The following PIGN variants were observed in gnomAD, a reference collection of about 807,000 sequenced individuals.
PIGN encodes phosphatidylinositol glycan anchor biosynthesis class N, also known as GPI ethanolamine phosphate transferase 1.
In PIGN, 117 loss-of-function variants were observed where a neutral mutation model predicts 125.4. That is an observed-to-expected ratio of 0.93 (90% CI 0.80 to 1.09). The LOEUF is 1.09. Ranked by LOEUF, PIGN falls within the 50% of genes least tolerant of loss-of-function variation. The pLI is 0.00. For missense variants in PIGN, 1,075 were observed against 1,094.9 expected (o/e 0.98, Z 0.26); for synonymous variants, 392 against 377.8 (o/e 1.04, Z -0.44).
intron 11 of PIGN, 39 bp downstream of exon 11, chr18:62,143,267 T>C (rs1388707954): frequency 8.3e-6 from 9 of 1,088,590 alleles, no homozygotes; most frequent in East Asian, 7.7e-5. Context: ...TTATAGAAGA[T>C]AAAATTAAAT....
intron 30 of PIGN, chr18:62,059,302 A>G (rs540501270): frequency 6.6e-6 from 1 of 152,230 alleles, no homozygotes; most frequent in Non-Finnish European, 1.5e-5. Context: ...TGGAGGTCAA[A>G]TCCAGAAAAG....
intron 25 of PIGN, among the ~76,000 whole-genome samples, chr18:62,087,114 C>T (rs2033744698): frequency 6.6e-6 from 1 of 151,822 alleles, no homozygotes; most frequent in Non-Finnish European, 1.5e-5. Flanking sequence ...GAAGTGTCTA[C>T]CAAAGTTACA....
chr18:62,063,759 T>G (rs1237587776), intron 30 of PIGN, among the ~76,000 whole-genome samples: 1 of 150,716 alleles, frequency 6.6e-6, no homozygotes, highest in Non-Finnish European at 1.5e-5. Context: ...TACAAAAGGA[T>G]GAGTTCGTGT....
chr18:62,161,881 T>C (rs925583122), intron 3 of PIGN, among the ~76,000 whole-genome samples: 1 of 109,152 alleles, frequency 9.2e-6, no homozygotes, highest in Non-Finnish European at 2.1e-5. Context: ...ATTATTCAAA[T>C]ATTTGTGATT....
intron 22 of PIGN, among the ~76,000 whole-genome samples, chr18:62,100,359 T>C (rs1315305544): frequency 6.6e-6 from 1 of 152,162 alleles, no homozygotes; most frequent in East Asian, 1.9e-4. Flanking sequence ...CCTTTGTACA[T>C]TGTTGGTGGG....
intron 28 of PIGN, 144 bp from the exon 29 acceptor site, chr18:62,074,965 A>G: frequency 1.7e-6 from 1 of 584,318 alleles, no homozygotes; most frequent in East Asian, 3.0e-5. Flanking sequence ...GGTTCTTTTC[A>G]TATTATCATG....
chr18:62,114,760 T>C (rs768724078), intron 14 of PIGN, 121 bp from the exon 15 acceptor site: 16 of 496,626 alleles, frequency 3.2e-5, no homozygotes, highest in Non-Finnish European at 4.8e-5. Context: ...AAAACAAAAA[T>C]CAAAGAAAAA....
chr18:62,095,219 A>G (rs1215825607), intron 23 of PIGN, among the ~76,000 whole-genome samples: 1 of 152,222 alleles, frequency 6.6e-6, no homozygotes, highest in African/African-American at 2.4e-5. Flanking sequence ...TAAAGATTTA[A>G]GTAAGGACAA....
intron 23 of PIGN, among the ~76,000 whole-genome samples, chr18:62,020,607 A>C (rs1273014980): frequency 5.3e-5 from 8 of 152,050 alleles, no homozygotes; most frequent in Admixed American, 5.2e-4. Context: ...GAAAATACAA[A>C]TTAAAACTAC....
chr18:62,063,219 T>C lies in PIGN; in HGVS notation c.2672+9454A>G, dbSNP rs192354828. ...TAGAAATTTCTTTATCCAAAATCTATGGTTTTATAGATTTTATCCAAAATC... is the reference window on the plus strand; with the variant it reads ...TAGAAATTTCTTTATCCAAAATCTACGGTTTTATAGATTTTATCCAAAATC... On this transcript the variant is annotated intron_variant, in intron 30 of 30. Coordinates refer to ENST00000640252, the MANE Select transcript of PIGN (RefSeq NM_176787.5). Among the ~76,000 whole-genome samples, 81 of 147,860 alleles carry C rather than the reference T, an allele frequency of 5.5e-4. 1 individual carries two copies. Among genetic ancestry groups the C allele is most frequent in the African/African-American group, 1.9e-3 (76 of 40,494 alleles).
chr18:62,092,579 AC>A (rs145175430), intron 23 of PIGN, among the ~76,000 whole-genome samples: 25,651 of 152,014 alleles, frequency 0.17, 2,913 homozygotes, highest in Middle Eastern at 0.28. Flanking sequence ...CCTAAGAGCC[AC>A]CTAGAAAATG....
intron 1 of PIGN, among the ~76,000 whole-genome samples, chr18:62,179,922 C>T (rs1241544691): frequency 1.3e-5 from 2 of 151,994 alleles, no homozygotes; most frequent in Non-Finnish European, 2.9e-5. Context: ...TCAGTACTAC[C>T]AAAAAAGCCT....
intron 23 of PIGN, among the ~76,000 whole-genome samples, chr18:62,035,254 G>A (rs964643668): frequency 7.2e-5 from 11 of 152,160 alleles, no homozygotes; most frequent in African/African-American, 2.7e-4. Flanking sequence ...TCTTGGGTAT[G>A]TCTTTATTAG....
intron 23 of PIGN, among the ~76,000 whole-genome samples, chr18:62,022,550 C>T (rs2030065224): frequency 6.6e-6 from 1 of 152,164 alleles, no homozygotes. Flanking sequence ...ATAAAAATGA[C>T]TGCAAGCTGA....
chr18:62,129,756 G>A (rs2035665693), intron 14 of PIGN, among the ~76,000 whole-genome samples: 1 of 152,120 alleles, frequency 6.6e-6, no homozygotes, highest in Non-Finnish European at 1.5e-5. Context: ...GTAAATCAAT[G>A]AAGCATTGTA....
chr18:62,037,551 G>C (rs908576350), downstream of PIGN, among the ~76,000 whole-genome samples: 1 of 152,210 alleles, frequency 6.6e-6, no homozygotes, highest in African/African-American at 2.4e-5. Context: ...TAAGTTGTTT[G>C]GGAATGCTGC....
At chr18:62,156,372 A>G (rs906128354) in intron 6 of PIGN, among the ~76,000 whole-genome samples, 3 of 152,196 alleles carry the variant, frequency 2.0e-5, no homozygotes, top group Non-Finnish European at 4.4e-5. Flanking sequence ...TCTGTTGCCC[A>G]GGCTGGAGTG....
chr18:62,130,978 T>C (rs1367290335), intron 14 of PIGN, among the ~76,000 whole-genome samples: 2 of 152,144 alleles, frequency 1.3e-5, no homozygotes, highest in Non-Finnish European at 1.5e-5. Context: ...TATTTTTCTA[T>C]GTAGGTATGT....
chr18:62,124,441 A>C (rs1446287492), intron 14 of PIGN, among the ~76,000 whole-genome samples: 2 of 152,194 alleles, frequency 1.3e-5, no homozygotes, highest in East Asian at 3.8e-4. Flanking sequence ...TCTAGATTCA[A>C]GTTTTAGCTG....
Sources: gnomAD v4.1 joint callset for allele counts (sites outside exome capture counted in the v4.1 genomes callset) on GRCh38, gnomAD v4.1.1 for gene constraint, MANE v1.5 for transcripts, NCBI Gene and HGNC (gene_info 2026-07-23, HGNC 2026-07-21) for gene names.